The following MAMDC4 variants were observed in gnomAD, a reference collection of about 807,000 sequenced individuals.
The protein encoded by MAMDC4 is apical endosomal glycoprotein.
Under a neutral mutation model 153.3 loss-of-function variants are expected in MAMDC4, and 168 were observed. The observed-to-expected ratio is 1.10, with a 90% CI of 0.97 to 1.25. The LOEUF (loss-of-function observed/expected upper bound fraction) is 1.25, where lower values mean the gene tolerates loss of function less well. Ranked by LOEUF, MAMDC4 falls within the 50% of genes most tolerant of loss-of-function variation. MAMDC4 has a pLI of 0.00. For synonymous variants in MAMDC4, 744 were observed against 651.5 expected (o/e 1.14, Z -2.16); for missense variants, 1,701 against 1,542.8 (o/e 1.10, Z -1.72).
At position 136,857,305 on chromosome 9, in the gene MAMDC4, CCTGGCACCCGGGTGGGAGGA is replaced by C; in HGVS notation, c.2106+9_2106+28del. The C allele has an allele frequency of 6.2e-7, 1 of 1,605,386 alleles. No individual in the cohort carries two copies. The highest frequency in any genetic ancestry group is 1.3e-5 in the African/African-American group (1 of 74,902). On this transcript the variant is annotated splice_region_variant and intron_variant, in intron 17 of 26. Transcript: ENST00000317446. The stretch of plus-strand genomic sequence containing the variant: ...CTCCCATGCCCAGTACCAGGTGAGG[CCTGGCACCCGGGTGGGAGGA>C]CAGGGCAGGGCCCCTGGCCAGCTGA...
chr9:136,858,729 CT>C lies in MAMDC4; in HGVS notation c.2834del (p.Phe945SerfsTer46). 6.2e-7 allele frequency: 1 copy of C among 1,612,098 alleles called. No individual in the cohort carries two copies. Among genetic ancestry groups the C allele is most frequent in the Non-Finnish European group, 8.5e-7 (1 of 1,179,730 alleles). ...TCCTCTTGTTCCCAGGCCACTTTGC[CT>C]TCTTTGAAACTGGCGTGCTGGGCCC... is the stretch of plus-strand genomic sequence containing the variant. Reference protein sequence around the residue: ...TLGTEAGHFAFFETGVLGPGG... With the variant: ...TLGTEAGHFAXFETGVLGPGG... On this transcript the variant is annotated frameshift_variant, in exon 23 of 27. Transcript: ENST00000317446. LOFTEE classifies it high-confidence loss of function.
chr9:136,858,654 C>G, intron 22 of MAMDC4, 65 bp from the exon 23 acceptor site: 2 of 1,600,640 alleles, frequency 1.2e-6, no homozygotes, highest in Non-Finnish European at 1.7e-6. Context: ...CTCACCGAGC[C>G]TCTGCTCGGG....
intron 26 of MAMDC4, 67 bp downstream of exon 26, chr9:136,860,131 G>T: frequency 6.8e-7 from 1 of 1,466,936 alleles, no homozygotes; most frequent in African/African-American, 1.4e-5. Flanking sequence ...AGGGCGGGCA[G>T]TGGCGGGACA....
At chr9:136,857,911 T>C in intron 19 of MAMDC4, 68 bp from the exon 20 acceptor site, 1 of 1,475,448 alleles carries the variant, frequency 6.8e-7, no homozygotes, top group Admixed American at 2.5e-5. Flanking sequence ...GCTGGGAGCC[T>C]GGGAGCTCAG....
Position 136,853,577 on chromosome 9 carries a change from A to T in MAMDC4, c.361A>T (p.Lys121Ter), listed in dbSNP as rs773830762. 262 of 1,612,354 alleles carry T rather than the reference A, an allele frequency of 1.6e-4. No homozygotes were observed. Among genetic ancestry groups the T allele is most frequent in the Non-Finnish European group, 2.2e-4 (258 of 1,179,926 alleles). The change falls in exon 4 of 27, where the codon AAA becomes TAA. Residue 121 changes from lysine to a stop codon, truncating the protein, a stop_gained. Coordinates refer to ENST00000317446, the MANE Select transcript of MAMDC4 (RefSeq NM_206920.3). LOFTEE classifies it high-confidence loss of function. ...WYMAVGTHRG[K>*]EASTAALRSP... ...CATGGCCGTTGGAACCCACCGAGGG[A>T]AAGAGGCATCCACCGCAGCCCTGCG... is the stretch of plus-strand genomic sequence containing the variant.
In MAMDC4 at chr9:136,857,175, C is replaced by G; in HGVS notation, c.1983C>G (p.Arg661=). Residue 661 remains arginine (R), a synonymous_variant, in exon 17 of 27, where the codon CGC becomes CGG. Transcript: ENST00000317446. The stretch of plus-strand genomic sequence containing the variant: ...GTCCCCTCCCTGCAGGGACTCTGCG[C>G]CTAGCCATGAGACGGGAAGGGGAGG... ...HLHGPQIGTL[R]LAMRREGEET... 1 of 1,612,518 alleles carries G rather than the reference C, an allele frequency of 6.2e-7. No individual in the cohort carries two copies. Among genetic ancestry groups the G allele is most frequent in the Non-Finnish European group, 8.5e-7 (1 of 1,179,866 alleles).
intron 25 of MAMDC4, 164 bp downstream of exon 25, chr9:136,859,481 G>A (rs909850817): frequency 2.9e-6 from 2 of 694,264 alleles, no homozygotes; most frequent in Non-Finnish European, 4.7e-6. Flanking sequence ...TCCTCACTCT[G>A]CCCTGCTCAC....
In MAMDC4 at chr9:136,858,513, C is replaced by T. The variant is rs1306289425; in HGVS notation, c.2788C>T (p.Pro930Ser). The T allele has an allele frequency of 6.3e-7, 1 of 1,599,374 alleles. No homozygotes were observed. Among genetic ancestry groups the T allele is most frequent in the East Asian group, 2.2e-5 (1 of 44,512 alleles). Residue 930 changes from proline (P) to serine (S), a missense_variant, in exon 22 of 27, where the codon CCC (proline) becomes TCC (serine). Pro to Ser is a moderately conservative substitution (Grantham distance 74). Transcript: ENST00000317446. ...AGCCACCCCCTCTCGTTACCCCCAGCCCCCTGTGGACCACACCCTGGGCAC... is the reference window on the plus strand; with the variant it reads ...AGCCACCCCCTCTCGTTACCCCCAGTCCCCTGTGGACCACACCCTGGGCAC... ...GGATPSRYPQPPVDHTLGTEA... is the reference protein window; with the variant it reads ...GGATPSRYPQSPVDHTLGTEA...
At chr9:136,856,881 G>T (rs1343113160) in intron 15 of MAMDC4, 26 bp from the exon 16 acceptor site, 1 of 1,612,032 alleles carries the variant, frequency 6.2e-7, no homozygotes, top group Admixed American at 1.7e-5. Flanking sequence ...GGGCATCTCT[G>T]CAGCACAGCC....
chr9:136,859,154 G>A (rs1387201266), intron 24 of MAMDC4, 22 bp downstream of exon 24: 2 of 1,584,398 alleles, frequency 1.3e-6, no homozygotes, highest in East Asian at 2.3e-5. Flanking sequence ...TGTGGGCAAG[G>A]AGCCTCCTCC....
chr9:136,855,749 TC>T lies in MAMDC4; in HGVS notation c.1494del (p.Glu499ArgfsTer44), dbSNP rs1848995464. 4 of 1,572,142 alleles carry T rather than the reference TC, an allele frequency of 2.5e-6. No individual in the cohort carries two copies. The highest frequency in any genetic ancestry group is 1.3e-5 in the African/African-American group (1 of 74,290). ...TGTTCCAGGCACCACAGACTTTGAG[TC>T]CCCCGAGGCTGGGGGCTGGGAGGAC... Reference protein sequence around the residue: ...EQACGTTDFESPEAGGWEDAS... With the variant: ...EQACGTTDFEXPEAGGWEDAS... On this transcript the variant is annotated frameshift_variant, in exon 13 of 27. Transcript: ENST00000317446. LOFTEE classifies it high-confidence loss of function.
At position 136,857,409 on chromosome 9, in the gene MAMDC4, G is replaced by A. The variant is rs1392993135; in HGVS notation, c.2149G>A (p.Ala717Thr). The A allele has an allele frequency of 6.2e-7, 1 of 1,608,196 alleles. No homozygotes were observed. Among genetic ancestry groups the A allele is most frequent in the South Asian group, 1.1e-5 (1 of 91,074 alleles). The change falls in exon 18 of 27, where the codon GCG (alanine) becomes ACG (threonine). Residue 717 changes from alanine to threonine, a missense_variant. Transcript: ENST00000317446. Reference protein sequence around the residue: ...GLRDGYHGTMALDDVAVRPGP... With the variant: ...GLRDGYHGTMTLDDVAVRPGP... ...CCGGGACGGATACCACGGCACCATGGCGCTGGACGATGTGGCCGTGCGGCC... is the reference window on the plus strand; with the variant it reads ...CCGGGACGGATACCACGGCACCATGACGCTGGACGATGTGGCCGTGCGGCC...
In MAMDC4 at chr9:136,854,526, C is replaced by T; in HGVS notation, c.797-13C>T. 1 of 1,599,168 alleles carries T rather than the reference C, an allele frequency of 6.3e-7. No homozygotes were observed. Among genetic ancestry groups the T allele is most frequent in the Non-Finnish European group, 8.5e-7 (1 of 1,174,178 alleles). Reference sequence around the variant, plus strand: ...CTGCCTGGTGGCCCTGACACGCCCACCTCCTGCCCTAGGCCGCCACATAGC... The same window carrying T: ...CTGCCTGGTGGCCCTGACACGCCCATCTCCTGCCCTAGGCCGCCACATAGC... On this transcript the variant is annotated splice_polypyrimidine_tract_variant and intron_variant, in intron 7 of 26. Coordinates refer to ENST00000317446, the MANE Select transcript of MAMDC4 (RefSeq NM_206920.3).
rs1434393869 is a variant in MAMDC4, at chr9:136,854,089, C to T, written c.670+13C>T. 1 of 1,612,508 alleles carries T rather than the reference C, an allele frequency of 6.2e-7. No homozygotes were observed. Among genetic ancestry groups the T allele is most frequent in the African/African-American group, 1.3e-5 (1 of 74,920 alleles). ...TGTGGTCTGCCCAGTAAGGCACCGCCTCTTCCTGTTCCACCCCCGGGAGGG... is the reference window on the plus strand; with the variant it reads ...TGTGGTCTGCCCAGTAAGGCACCGCTTCTTCCTGTTCCACCCCCGGGAGGG... On this transcript the variant is annotated intron_variant, in intron 6 of 26. Transcript: ENST00000317446.
chr9:136,853,568 C>T lies in MAMDC4; in HGVS notation c.352C>T (p.His118Tyr), dbSNP rs576315462. ...DLGWYMAVGT[H>Y]RGKEASTAAL... is the part of the protein sequence containing the mutation. ...AGGCTGGTACATGGCCGTTGGAACC[C>T]ACCGAGGGAAAGAGGCATCCACCGC... The change falls in exon 4 of 27, where the codon CAC becomes TAC. Residue 118 changes from histidine to tyrosine, a missense_variant. Transcript: ENST00000317446. 1.2e-6 allele frequency: 2 copies of T among 1,612,570 alleles called. No homozygotes were observed. The highest frequency in any genetic ancestry group is 1.7e-6 in the Non-Finnish European group (2 of 1,179,864).
intron 1 of MAMDC4, 50 bp downstream of exon 1, chr9:136,852,512 T>A: frequency 1.3e-6 from 2 of 1,589,400 alleles, no homozygotes; most frequent in Non-Finnish European, 1.7e-6. Context: ...CCCTGGCTTC[T>A]GAGCCTACCA....
chr9:136,859,764 T>G, intron 25 of MAMDC4, 122 bp from the exon 26 acceptor site: 2 of 1,023,580 alleles, frequency 2.0e-6, no homozygotes, highest in Non-Finnish European at 2.8e-6. Context: ...CCCTCTGCCT[T>G]TGAAATAGGG....
chr9:136,854,763 C>A lies in MAMDC4; in HGVS notation c.936C>A (p.Gly312=). The A allele has an allele frequency of 6.2e-7, 1 of 1,612,780 alleles. No homozygotes were observed. The highest frequency in any genetic ancestry group is 8.5e-7 in the Non-Finnish European group (1 of 1,179,878). The change falls in exon 9 of 27, where the codon GGC becomes GGA. Residue 312 remains glycine, a splice_region_variant and synonymous_variant. Transcript: ENST00000317446. ...RRDHSRNSAQ[G]SFLVSVAEPG... ...GCCCACTCCCGTCCTTTCCCGCAGGCTCCTTCCTGGTCTCCGTGGCCGAGC... is the reference window on the plus strand; with the variant it reads ...GCCCACTCCCGTCCTTTCCCGCAGGATCCTTCCTGGTCTCCGTGGCCGAGC...
rs544927460 is a variant in MAMDC4 at position 136,854,837 on chromosome 9, C to T, written c.1010C>T (p.Thr337Ile). The change falls in exon 9 of 27, where the codon ACC (threonine) becomes ATC (isoleucine). Residue 337 changes from threonine (T) to isoleucine (I), a missense_variant. Coordinates refer to ENST00000317446, the MANE Select transcript of MAMDC4 (RefSeq NM_206920.3). ...AGCCCCGAATTCCAAGCCTCAGGCA[C>T]CTCCAACTGCTCGGTGAGATGGGTG... ...LSSPEFQASG[T>I]SNCSLVFYQY... 1.2e-6 allele frequency: 2 copies of T among 1,612,828 alleles called. No homozygotes were observed. The highest frequency in any genetic ancestry group is 1.7e-6 in the Non-Finnish European group (2 of 1,179,872).
Sources: gnomAD v4.1 joint callset for allele counts on GRCh38, gnomAD v4.1.1 for gene constraint, MANE v1.5 for transcripts, NCBI Gene and HGNC (gene_info 2026-07-23, HGNC 2026-07-21) for gene names.